The following CNTNAP5 variants were observed in gnomAD, a reference collection of about 807,000 sequenced individuals.
CNTNAP5 encodes contactin-associated protein-like 5.
A neutral mutation model predicts 150.2 loss-of-function variants in CNTNAP5; 72 were observed. The ratio of observed to expected loss-of-function variants is 0.48; its 90% CI spans 0.40 to 0.58. CNTNAP5 has a LOEUF of 0.58. CNTNAP5 is among the 20% of genes least tolerant of loss of function. The pLI, the probability that CNTNAP5 is intolerant of heterozygous loss-of-function variation, is 0.00. For synonymous variants in CNTNAP5, 672 were observed against 619.8 expected (o/e 1.08, Z -1.25); for missense variants, 1,636 against 1,626.2 (o/e 1.01, Z -0.10).
intron 8 of CNTNAP5, among the ~76,000 whole-genome samples, chr2:124,512,872 C>G (rs148265351): frequency 1.3e-5 from 2 of 152,146 alleles, no homozygotes; most frequent in African/African-American, 4.8e-5. Context: ...AATGTTTTTT[C>G]TGATGATTAT....
At chr2:124,366,474 G>A (rs1436984864) in intron 3 of CNTNAP5, among the ~76,000 whole-genome samples, 1 of 152,134 alleles carries the variant, frequency 6.6e-6, no homozygotes, top group Admixed American at 6.5e-5. Flanking sequence ...TGGCCACCAA[G>A]GGGCTTCCAT....
chr2:124,745,463 C>T (rs989654342), intron 13 of CNTNAP5, among the ~76,000 whole-genome samples: 9 of 152,178 alleles, frequency 5.9e-5, no homozygotes, highest in African/African-American at 2.2e-4. Context: ...CTGTGATGAC[C>T]CACCTAAGCT....
intron 13 of CNTNAP5, among the ~76,000 whole-genome samples, chr2:124,682,190 A>G (rs996711964): frequency 4.6e-5 from 7 of 152,186 alleles, no homozygotes; most frequent in Non-Finnish European, 1.0e-4. Flanking sequence ...TCCCAGGAGC[A>G]TGTAGGAGAT....
chr2:124,824,625 T>G (rs1286101746), intron 19 of CNTNAP5, among the ~76,000 whole-genome samples: 1 of 152,174 alleles, frequency 6.6e-6, no homozygotes, highest in Non-Finnish European at 1.5e-5. Context: ...TGTCCCAGCA[T>G]GGTGATGCTC....
At chr2:124,866,158 G>A (rs1261113000) in intron 20 of CNTNAP5, among the ~76,000 whole-genome samples, 1 of 151,990 alleles carries the variant, frequency 6.6e-6, no homozygotes, top group Non-Finnish European at 1.5e-5. Flanking sequence ...AGCTACTGGG[G>A]AAGCTGAGGT....
intron 19 of CNTNAP5, among the ~76,000 whole-genome samples, chr2:124,846,852 A>G (rs1236477363): frequency 6.6e-6 from 1 of 152,170 alleles, no homozygotes; most frequent in Admixed American, 6.5e-5. Context: ...TTCTGGGTCT[A>G]GCCACGCAGT....
intron 2 of CNTNAP5, among the ~76,000 whole-genome samples, chr2:124,233,619 T>C (rs1273331430): frequency 6.6e-6 from 1 of 152,110 alleles, no homozygotes; most frequent in East Asian, 1.9e-4. Context: ...CAACCATGTC[T>C]ATAAATCTTC....
At chr2:124,623,411 A>C (rs1020643408) in intron 12 of CNTNAP5, among the ~76,000 whole-genome samples, 1 of 152,182 alleles carries the variant, frequency 6.6e-6, no homozygotes, top group Non-Finnish European at 1.5e-5. Flanking sequence ...GTGAATCTTT[A>C]TAAGTTTATA....
At chr2:124,769,720 T>C (rs1681148385) in intron 16 of CNTNAP5, among the ~76,000 whole-genome samples, 1 of 152,204 alleles carries the variant, frequency 6.6e-6, no homozygotes, top group African/African-American at 2.4e-5. Flanking sequence ...TGCACAGGTT[T>C]CCAGGTGTGG....
intron 11 of CNTNAP5, among the ~76,000 whole-genome samples, chr2:124,593,316 T>G (rs1333841972): frequency 5.9e-4 from 73 of 122,852 alleles, no homozygotes; most frequent in Non-Finnish European, 8.0e-4. Context: ...CCCCAGAGTG[T>G]GATATTCCCC....
chr2:124,529,185 G>A (rs1023404030), intron 10 of CNTNAP5, among the ~76,000 whole-genome samples: 1 of 151,900 alleles, frequency 6.6e-6, no homozygotes, highest in Non-Finnish European at 1.5e-5. Context: ...CTATTGGCTA[G>A]ACCAATAGTC....
chr2:124,734,609 C>A (rs942591383), intron 13 of CNTNAP5, among the ~76,000 whole-genome samples: 2 of 151,822 alleles, frequency 1.3e-5, no homozygotes, highest in Non-Finnish European at 2.9e-5. Flanking sequence ...AAGACAAAAG[C>A]AAAGCAACTG....
At chr2:124,465,143 C>CA (rs932945627) in intron 6 of CNTNAP5, among the ~76,000 whole-genome samples, 46 of 151,278 alleles carry the variant, frequency 3.0e-4, no homozygotes, top group African/African-American at 9.2e-4. Flanking sequence ...AATACCAAAC[C>CA]AAAAAAAATA....
At chr2:124,837,076 T>G (rs1682844886) in intron 19 of CNTNAP5, among the ~76,000 whole-genome samples, 1 of 149,712 alleles carries the variant, frequency 6.7e-6, no homozygotes. Context: ...TTTACCAGAG[T>G]GGAACTGAGT....
At chr2:124,531,005 C>T (rs1006520563) in intron 10 of CNTNAP5, among the ~76,000 whole-genome samples, 3 of 152,040 alleles carry the variant, frequency 2.0e-5, no homozygotes, top group Non-Finnish European at 2.9e-5. Context: ...ATTTATTGTG[C>T]ACTTGATTTC....
chr2:124,632,156 G>C (rs1457142709), intron 12 of CNTNAP5, among the ~76,000 whole-genome samples: 1 of 152,060 alleles, frequency 6.6e-6, no homozygotes, highest in African/African-American at 2.4e-5. Flanking sequence ...ATTCCTCAAA[G>C]ACTTAGAACT....
intron 1 of CNTNAP5, among the ~76,000 whole-genome samples, chr2:124,198,570 C>T (rs953841177): frequency 6.6e-6 from 1 of 152,230 alleles, no homozygotes; most frequent in East Asian, 1.9e-4. Context: ...CCTCCTCCCT[C>T]TCTCCCCACT....
chr2:124,462,378 T>A (rs968582840), intron 6 of CNTNAP5, among the ~76,000 whole-genome samples: 1 of 152,226 alleles, frequency 6.6e-6, no homozygotes, highest in Non-Finnish European at 1.5e-5. Context: ...CTTGCTAACT[T>A]TATATTTCTT....
chr2:124,290,874 CTTTATTTATTTATTTATTTATTTA>C (rs59044145), intron 3 of CNTNAP5, among the ~76,000 whole-genome samples: 10 of 148,542 alleles, frequency 6.7e-5, no homozygotes, highest in African/African-American at 2.0e-4. Flanking sequence ...ATCTTCCTTC[CTTTATTTATTTATTTATTTATTTA>C]TTTATTTATT....
Sources: gnomAD v4.1 joint callset for allele counts (sites outside exome capture counted in the v4.1 genomes callset) on GRCh38, gnomAD v4.1.1 for gene constraint, MANE v1.5 for transcripts, NCBI Gene and HGNC (gene_info 2026-07-23, HGNC 2026-07-21) for gene names.